Variants in EDIL3 observed in about 807,000 individuals in gnomAD.
EDIL3 encodes EGF like and discoidin domains 3.
Under a neutral mutation model 67.4 loss-of-function variants are expected in EDIL3, and 37 were observed. That is an observed-to-expected ratio of 0.55 (90% confidence interval 0.42 to 0.72). The LOEUF (loss-of-function observed/expected upper bound fraction) is 0.72, where lower values mean the gene tolerates loss of function less well. Among genes scored for constraint, EDIL3 ranks in the 30% least tolerant of loss-of-function variants. The probability of loss-of-function intolerance (pLI) is 0.00; values close to 1 mark genes in which losing one functional copy is unlikely to be tolerated. For missense variants in EDIL3, 527 were observed against 586.3 expected, an observed-to-expected ratio of 0.90 and a Z score of 1.04; for synonymous variants, 195 against 196.3, an observed-to-expected ratio of 0.99 and a Z score of 0.05.
intron 1 of EDIL3, among the ~76,000 whole-genome samples, chr5:84,362,956 TG>T (rs769786399): frequency 6.8e-6 from 1 of 147,872 alleles, no homozygotes; most frequent in Non-Finnish European, 1.5e-5. Flanking sequence ...TTTATGTTTT[TG>T]TTTTTCTGTT....
intron 1 of EDIL3, among the ~76,000 whole-genome samples, chr5:84,324,592 T>C (rs1054790949): frequency 6.7e-6 from 1 of 149,798 alleles, no homozygotes; most frequent in African/African-American, 2.5e-5. Flanking sequence ...AAATAGAGAA[T>C]AGAAAAACAC....
intron 1 of EDIL3, among the ~76,000 whole-genome samples, chr5:84,360,627 C>CAAAA (rs1747577609): frequency 2.0e-5 from 3 of 152,010 alleles, no homozygotes; most frequent in Non-Finnish European, 4.4e-5. Context: ...AAAATGAAAA[C>CAAAA]TGGAGTAAAC....
At chr5:84,341,420 A>C (rs1747113302) in intron 1 of EDIL3, among the ~76,000 whole-genome samples, 1 of 152,096 alleles carries the variant, frequency 6.6e-6, no homozygotes, top group African/African-American at 2.4e-5. Flanking sequence ...AAGTGAAAAA[A>C]TTTACAAGAA....
intron 4 of EDIL3, among the ~76,000 whole-genome samples, chr5:84,138,876 A>T (rs1373105990): frequency 1.3e-5 from 2 of 152,196 alleles, no homozygotes; most frequent in African/African-American, 4.8e-5. Context: ...TGAGTACCTC[A>T]TAACTTCAAA....
intron 1 of EDIL3, among the ~76,000 whole-genome samples, chr5:84,371,448 T>TAGAGAG (rs1417769703): frequency 7.2e-4 from 67 of 93,234 alleles, no homozygotes; most frequent in African/African-American, 3.3e-3. Context: ...TATATATATA[T>TAGAGAG]ATAGAGAGAG....
chr5:83,963,498 G>A (rs1744641407), intron 9 of EDIL3, 138 bp from the exon 10 acceptor site: 1 of 987,674 alleles, frequency 1.0e-6, no homozygotes, highest in Non-Finnish European at 1.4e-6. Flanking sequence ...TGAAACCAAT[G>A]ACTGAGTCTA....
chr5:84,341,820 T>C (rs577517791), intron 1 of EDIL3, among the ~76,000 whole-genome samples: 5 of 152,012 alleles, frequency 3.3e-5, no homozygotes, highest in Admixed American at 3.3e-4. Flanking sequence ...CTAAATATAA[T>C]ATCTCTTTTA....
intron 10 of EDIL3, among the ~76,000 whole-genome samples, chr5:83,958,419 T>C (rs537884330): frequency 1.1e-4 from 17 of 151,678 alleles, no homozygotes; most frequent in East Asian, 7.8e-4. Context: ...TACGTGTGAT[T>C]CCTCTTTAAG....
intron 9 of EDIL3, among the ~76,000 whole-genome samples, chr5:84,057,407 T>G (rs550512664): frequency 7.5e-6 from 1 of 133,032 alleles, no homozygotes; most frequent in South Asian, 2.5e-4. Flanking sequence ...GGGTGTAAAA[T>G]AGTTTGCCTT....
At chr5:84,001,213 A>AT (rs1026302072) in intron 9 of EDIL3, among the ~76,000 whole-genome samples, 1 of 151,712 alleles carries the variant, frequency 6.6e-6, no homozygotes, top group Non-Finnish European at 1.5e-5. Context: ...CACCTGGCTA[A>AT]TTTTTTTGTA....
intron 6 of EDIL3, among the ~76,000 whole-genome samples, chr5:84,101,783 C>G (rs1747370259): frequency 1.3e-5 from 2 of 152,008 alleles, no homozygotes; most frequent in African/African-American, 4.8e-5. Flanking sequence ...CTACTCCAAA[C>G]AATCGAGGAA....
At chr5:83,986,688 G>C (rs1438490115) in intron 9 of EDIL3, among the ~76,000 whole-genome samples, 1 of 152,134 alleles carries the variant, frequency 6.6e-6, no homozygotes, top group Non-Finnish European at 1.5e-5. Context: ...TGGGTCCCCT[G>C]CAGGCGTAAG....
At chr5:84,016,094 T>G (rs1336984770) in intron 9 of EDIL3, among the ~76,000 whole-genome samples, 2 of 152,140 alleles carry the variant, frequency 1.3e-5, no homozygotes, top group African/African-American at 4.8e-5. Context: ...TTCTTTGTGT[T>G]CATGAGTTCT....
intron 1 of EDIL3, among the ~76,000 whole-genome samples, chr5:84,324,004 C>T (rs567796028): frequency 2.6e-5 from 4 of 151,754 alleles, no homozygotes; most frequent in Non-Finnish European, 5.9e-5. Context: ...GATAGCACAA[C>T]TAGACAGAAT....
chr5:84,371,339 A>ATGTG (rs1180439495), intron 1 of EDIL3, among the ~76,000 whole-genome samples: 2 of 139,284 alleles, frequency 1.4e-5, no homozygotes, highest in African/African-American at 5.6e-5. Context: ...ATATATATAT[A>ATGTG]TATGTGTGTG....
Position 84,007,656 on chromosome 5 carries a change from G to T in EDIL3, c.1138-44296C>A, listed in dbSNP as rs867455947. On this transcript the variant is annotated intron_variant, in intron 9 of 10. Transcript: ENST00000296591. ...TGCTGGCAAGGTTGTGGAGAAAAGG[G>T]AACCCTCATACACTATTGGTGGGAA... Among the ~76,000 whole-genome samples, 7 of 152,230 alleles carry T rather than the reference G, an allele frequency of 4.6e-5. No homozygotes were observed. The South Asian group carries it at 6.2e-4, about 14-fold the overall frequency.
At chr5:84,123,184 A>T (rs970805404) in intron 5 of EDIL3, among the ~76,000 whole-genome samples, 1 of 151,980 alleles carries the variant, frequency 6.6e-6, no homozygotes, top group Non-Finnish European at 1.5e-5. Context: ...ATTATTTTCA[A>T]TGCTAACATC....
Position 84,130,175 on chromosome 5 carries a change from T to G in EDIL3, c.469+7066A>C, listed in dbSNP as rs148794074. 2.9e-3 allele frequency among the ~76,000 whole-genome samples: 434 copies of G among 152,266 alleles called. 5 individuals carry two copies. Among genetic ancestry groups the G allele is most frequent in the South Asian group, 0.024 (117 of 4,820 alleles). On this transcript the variant is annotated intron_variant, in intron 5 of 10. Transcript: ENST00000296591. ...TCCTAACTCCCCCAAACAAAAGGCT[T>G]CCCTGTCATAGGCTCCCTCTTTTTT...
chr5:84,114,148 GTTTTTT>G (rs918208407), intron 5 of EDIL3, among the ~76,000 whole-genome samples: 3 of 109,840 alleles, frequency 2.7e-5, no homozygotes, highest in African/African-American at 1.1e-4. Context: ...GAACCCTAAA[GTTTTTT>G]TTTTTTTTTT....
Sources: allele counts gnomAD v4.1 joint callset (sites outside exome capture counted in the v4.1 genomes callset), GRCh38; gene constraint gnomAD v4.1.1; transcripts MANE v1.5; gene names NCBI Gene and HGNC (gene_info 2026-07-23, HGNC 2026-07-21).